ZNF362: variants seen among roughly 807,000 people sequenced by gnomAD.
ZNF362 encodes rotund homolog.
In ZNF362, 11 loss-of-function variants were observed where a neutral mutation model predicts 42.9. The ratio of observed to expected loss-of-function variants is 0.26; its 90% CI spans 0.16 to 0.42. The LOEUF (loss-of-function observed/expected upper bound fraction) is 0.42. Among genes scored for constraint, ZNF362 ranks in the 20% least tolerant of loss-of-function variants. ZNF362 has a pLI of 1.00. For missense variants in ZNF362, 362 were observed against 576.2 expected, an observed-to-expected ratio of 0.63 and a Z score of 3.81; for synonymous variants, 255 against 257.3, an observed-to-expected ratio of 0.99 and a Z score of 0.09.
At chr1:33,143,454 G>C in the ZNF362 span, among the ~76,000 whole-genome samples, 1 of 152,132 alleles carries the variant, frequency 6.6e-6, no homozygotes, top group Non-Finnish European at 1.5e-5. Flanking sequence ...TGAGAGGATG[G>C]GGGAGGGCTT....
the ZNF362 span, among the ~76,000 whole-genome samples, chr1:33,205,893 G>A: frequency 6.6e-6 from 1 of 151,858 alleles, no homozygotes; most frequent in Non-Finnish European, 1.5e-5. Context: ...TCCATACTGG[G>A]CGACAGAGCA....
At chr1:33,143,005 T>A in the ZNF362 span, 3 of 152,270 alleles carry the variant, frequency 2.0e-5, no homozygotes, top group African/African-American at 7.2e-5. Flanking sequence ...ATGGGGTTAC[T>A]GCCATTCTAT....
In ZNF362 at chr1:33,280,082, G is replaced by A; in HGVS notation, c.350-42G>A. On this transcript the variant is annotated intron_variant, in intron 4 of 8. Transcript: ENST00000539719. This position sits in a 1 kb window ranked among gnomAD's most constrained non-coding sequence, Gnocchi z 5.6. The stretch of plus-strand genomic sequence containing the variant: ...TGGGTGGGCAGCTGAGCTGGCCTCT[G>A]CAGCTCCGCTCACCCCTGCCCCCAC... 1 of 1,520,830 alleles carries A rather than the reference G, an allele frequency of 6.6e-7. No individual in the cohort carries two copies. Among genetic ancestry groups the A allele is most frequent in the Non-Finnish European group, 8.8e-7 (1 of 1,132,098 alleles). 94.2% of individuals were successfully genotyped at this position (1,520,830 alleles called of 1,614,324 possible). A position where few individuals can be genotyped will look rare whatever the true frequency, so the allele number is the denominator to read the frequency against.
At chr1:33,142,989 C>T in the ZNF362 span, 1 of 152,160 alleles carries the variant, frequency 6.6e-6, no homozygotes, top group Non-Finnish European at 1.5e-5. Flanking sequence ...CAAATGGGGG[C>T]TCCAAATGGG....
chr1:33,198,898 T>C, the ZNF362 span, among the ~76,000 whole-genome samples: 1 of 152,142 alleles, frequency 6.6e-6, no homozygotes, highest in Non-Finnish European at 1.5e-5. Flanking sequence ...GTGAAAAATA[T>C]ACTGGATGAG....
the ZNF362 span, among the ~76,000 whole-genome samples, chr1:33,234,775 C>T: frequency 6.6e-6 from 1 of 152,176 alleles, no homozygotes; most frequent in African/African-American, 2.4e-5. Flanking sequence ...CCAATGGGGT[C>T]GGGTCCACGT....
At chr1:33,150,864 T>G in the ZNF362 span, among the ~76,000 whole-genome samples, 49 of 152,110 alleles carry the variant, frequency 3.2e-4, 1 homozygote, top group Non-Finnish European at 4.4e-5. Context: ...GGTGTGACAG[T>G]GGAGGGGCAG....
chr1:33,133,918 A>G, the ZNF362 span, among the ~76,000 whole-genome samples: 2 of 152,340 alleles, frequency 1.3e-5, no homozygotes, highest in South Asian at 2.1e-4. Context: ...ATGTGATCCT[A>G]ATACCACCAG....
chr1:33,205,782 G>A, the ZNF362 span, among the ~76,000 whole-genome samples: 1 of 152,068 alleles, frequency 6.6e-6, no homozygotes, highest in Non-Finnish European at 1.5e-5. Flanking sequence ...CAGATGTGGT[G>A]GTGGGTGCCT....
chr1:33,289,834 C>T (rs1170126931), intron 6 of ZNF362, among the ~76,000 whole-genome samples: 1 of 152,132 alleles, frequency 6.6e-6, no homozygotes, highest in Non-Finnish European at 1.5e-5. Context: ...AATAAGTACC[C>T]ATGCAGAGAC....
the ZNF362 span, among the ~76,000 whole-genome samples, chr1:33,157,699 C>T: frequency 6.6e-6 from 1 of 151,846 alleles, no homozygotes; most frequent in Non-Finnish European, 1.5e-5. Flanking sequence ...GTGTCCAGGC[C>T]TCAGTCATTT....
the ZNF362 span, chr1:33,180,985 C>T: frequency 1.4e-6 from 1 of 730,898 alleles, no homozygotes; most frequent in Non-Finnish European, 2.1e-6. Context: ...CCACCTCCAG[C>T]CCGGCCCCGC....
the ZNF362 span, among the ~76,000 whole-genome samples, chr1:33,246,718 T>C: frequency 1.3e-5 from 2 of 152,248 alleles, no homozygotes; most frequent in African/African-American, 4.8e-5. Flanking sequence ...GCAGGAATTT[T>C]GTTTTAGTGG....
Position 33,280,797 on chromosome 1 carries a change from A to G in ZNF362, c.683+340A>G, listed in dbSNP as rs747744068. 1.4e-4 allele frequency among the ~76,000 whole-genome samples: 22 copies of G among 152,122 alleles called. No individual in the cohort carries two copies. The highest frequency in any genetic ancestry group is 3.1e-4 in the Non-Finnish European group (21 of 68,010). ...AGAATCACCTGAAGAGGCCGTGCAC[A>G]ATGGCTCATCCCTGTAATCCCAGCG... On this transcript the variant is annotated intron_variant, in intron 5 of 8. Transcript: ENST00000539719. This position sits in a 1 kb window ranked among gnomAD's most constrained non-coding sequence, Gnocchi z 5.6.
intron 2 of ZNF362, among the ~76,000 whole-genome samples, chr1:33,271,137 GT>G (rs1645900505): frequency 1.3e-5 from 2 of 152,150 alleles, no homozygotes; most frequent in Non-Finnish European, 2.9e-5. Context: ...CACAGATTCT[GT>G]CCCATCACCC....
chr1:33,255,705 G>C (rs1204684130), upstream of ZNF362, among the ~76,000 whole-genome samples: 1 of 152,170 alleles, frequency 6.6e-6, no homozygotes, highest in East Asian at 1.9e-4. Flanking sequence ...TCGGGGATCC[G>C]GCCTAGGGCT....
intron 8 of ZNF362, among the ~76,000 whole-genome samples, chr1:33,296,226 G>A (rs1373239606): frequency 6.6e-6 from 1 of 152,196 alleles, no homozygotes; most frequent in African/African-American, 2.4e-5. Flanking sequence ...GCACGTGGCA[G>A]GGCTCTGAGC....
At chr1:33,154,266 C>T in the ZNF362 span, among the ~76,000 whole-genome samples, 2 of 151,918 alleles carry the variant, frequency 1.3e-5, no homozygotes, top group African/African-American at 2.4e-5. Context: ...TCCAAGGCTC[C>T]GATTCCCTCC....
the ZNF362 span, among the ~76,000 whole-genome samples, chr1:33,245,632 G>A: frequency 6.6e-6 from 1 of 152,198 alleles, no homozygotes; most frequent in Non-Finnish European, 1.5e-5. Context: ...CCAACAGCAA[G>A]TGTCCCTATA....
Sources: allele counts gnomAD v4.1 joint callset (sites outside exome capture counted in the v4.1 genomes callset), GRCh38; gene constraint gnomAD v4.1.1; non-coding constraint Gnocchi (gnomAD v3.1); transcripts MANE v1.5; gene names NCBI Gene and HGNC (gene_info 2026-07-23, HGNC 2026-07-21).